Variants in KCNC3 observed in about 807,000 individuals in gnomAD.
KCNC3 encodes voltage-gated potassium channel KCNC3.
A neutral mutation model predicts 43.9 loss-of-function variants in KCNC3; 22 were observed. That is an observed-to-expected ratio of 0.50 (90% CI 0.36 to 0.72). KCNC3 has a LOEUF of 0.72. Among genes scored for constraint, KCNC3 ranks in the 30% least tolerant of loss-of-function variants. The pLI is 0.00. For synonymous variants in KCNC3, 492 were observed against 488.0 expected, an observed-to-expected ratio of 1.01 and a Z score of -0.11; for missense variants, 829 against 1,073.8, an observed-to-expected ratio of 0.77 and a Z score of 3.19.
rs1013462603 is a variant in KCNC3, at chr19:50,324,786, C to A, written c.871-704G>T. 6.6e-6 allele frequency among the ~76,000 whole-genome samples: 1 copy of A among 151,962 alleles called. No individual in the cohort carries two copies. The highest frequency in any genetic ancestry group is 2.1e-4 in the South Asian group (1 of 4,814). ...CTGAGCTGTTGTTAGGGTATGCAGG[C>A]AGCAGTTAGTTGGGGGGCAAGGTCA... On this transcript the variant is annotated intron_variant, in intron 1 of 4. Transcript: ENST00000477616. The surrounding 1 kb of genome is among the most constrained non-coding windows in gnomAD (Gnocchi z 4.1).
Position 50,320,620 on chromosome 19 carries a change from G to A in KCNC3, c.2143C>T (p.Pro715Ser), listed in dbSNP as rs764863485. ...TTTCGGATGGAGCCATCAGGGGAAG[G>A]GGCATAGTCGGTGAGGAGGAAGCAG... ...RACFLLTDYA[P>S]SPDGSIRKAT... Residue 715 changes from proline (P) to serine (S), a missense_variant, in exon 3 of 5, where the codon CCT (proline) becomes TCT (serine). This residue lies in a region of KCNC3 where 308 missense variants were observed against 276.2 expected (regional missense o/e 1.11). Coordinates refer to ENST00000477616, the MANE Select transcript of KCNC3 (RefSeq NM_004977.3). 8 of 1,612,552 alleles carry A rather than the reference G, an allele frequency of 5.0e-6. No individual in the cohort carries two copies. Among genetic ancestry groups the A allele is most frequent in the Non-Finnish European group, 8.5e-7 (1 of 1,179,826 alleles).
chr19:50,333,384 T>C (rs1302612144), upstream of KCNC3: 1 of 154,338 alleles, frequency 6.5e-6, no homozygotes, highest in Admixed American at 6.4e-5. Flanking sequence ...GGTCCTGGAA[T>C]GCCAAGGCAG....
rs769607601 is a variant in KCNC3, at chr19:50,323,452, T to C, written c.1501A>G (p.Met501Val). Reference protein sequence around the residue: ...PIGFWWAVVTMTTLGYGDMYP... With the variant: ...PIGFWWAVVTVTTLGYGDMYP... ...ATGTCTCCATAGCCCAGGGTCGTCA[T>C]GGTGACCACAGCCCACCAGAAGCCA... Residue 501 changes from methionine (M) to valine (V), a missense_variant, in exon 2 of 5, where the codon ATG becomes GTG. Met to Val is a conservative substitution (Grantham distance 21). This residue lies in a region of KCNC3 where 33 missense variants were observed against 96.0 expected (regional missense o/e 0.34). Coordinates refer to ENST00000477616, the MANE Select transcript of KCNC3 (RefSeq NM_004977.3). 1 of 1,614,104 alleles carries C rather than the reference T, an allele frequency of 6.2e-7. No homozygotes were observed. The highest frequency in any genetic ancestry group is 8.5e-7 in the Non-Finnish European group (1 of 1,179,992).
intron 4 of KCNC3, among the ~76,000 whole-genome samples, chr19:50,319,756 T>C (rs1032332170): frequency 6.6e-5 from 10 of 152,116 alleles, no homozygotes; most frequent in African/African-American, 2.4e-4. Context: ...TGGTTTTTGT[T>C]CACGGTTGAA....
Position 50,314,789 on chromosome 19 carries a change from A to C in KCNC3, c.*1326T>G, listed in dbSNP as rs61434305. The C allele has an allele frequency of 7.8e-6, 3 of 385,426 alleles. No individual in the cohort carries two copies. The highest frequency in any genetic ancestry group is 2.8e-5 in the Admixed American group (1 of 35,204). 23.9% of individuals were successfully genotyped at this position (385,426 alleles called of 1,614,324 possible). ...AAAAAAACCCTTTTCCCCACCCCCCACCCCCAGCTCCTTTGACCTTCTTCC... is the reference window on the plus strand; with the variant it reads ...AAAAAAACCCTTTTCCCCACCCCCCCCCCCCAGCTCCTTTGACCTTCTTCC... On this transcript the variant is annotated 3_prime_UTR_variant, in exon 5 of 5. Coordinates refer to ENST00000477616, the MANE Select transcript of KCNC3 (RefSeq NM_004977.3).
chr19:50,324,062 G>A lies in KCNC3; in HGVS notation c.891C>T (p.Leu297=), dbSNP rs2037072275. ...TGGTGATGGAGATGAGGATGAAGAA[G>A]AGGGAGGCGAAGGCCACATACTGCA... ...RAARYVAFAS[L]FFILISITTF... The change falls in exon 2 of 5, where the codon CTC becomes CTT. Residue 297 remains leucine (L), a synonymous_variant. Transcript: ENST00000477616. This position sits in a 1 kb window ranked among gnomAD's most constrained non-coding sequence, Gnocchi z 4.1. The A allele has an allele frequency of 1.3e-6, 2 of 1,599,848 alleles. No individual in the cohort carries two copies. Among genetic ancestry groups the A allele is most frequent in the East Asian group, 4.5e-5 (2 of 44,682 alleles).
In KCNC3 at chr19:50,328,403, T is replaced by C. The variant is rs1440589914; in HGVS notation, c.680A>G (p.Glu227Gly). Reference protein sequence around the residue: ...AGAHDGGLDDEAGAGGGGLDG... With the variant: ...AGAHDGGLDDGAGAGGGGLDG... ...CAGGCCGCCGCCGCCCGCGCCCGCC[T>C]CGTCGTCCAGGCCTCCGTCGTGGGC... is the stretch of plus-strand genomic sequence containing the variant. Residue 227 changes from glutamate to glycine, a missense_variant, in exon 1 of 5, where the codon GAG (glutamate) becomes GGG (glycine). This residue lies in a region of KCNC3 where 60 missense variants were observed against 56.0 expected (regional missense o/e 1.07). Transcript: ENST00000477616. 3 of 1,290,626 alleles carry C rather than the reference T, an allele frequency of 2.3e-6. No homozygotes were observed. In the African/African-American group the frequency reaches 4.8e-5, roughly 21 times the overall value. 79.9% of individuals were successfully genotyped at this position (1,290,626 alleles called of 1,614,324 possible).
upstream of KCNC3, among the ~76,000 whole-genome samples, chr19:50,331,213 T>C (rs2037184590): frequency 7.2e-6 from 1 of 139,380 alleles, no homozygotes; most frequent in South Asian, 2.2e-4. Flanking sequence ...CTTCTGAGTC[T>C]TTGCTCCTCT....
intron 4 of KCNC3, among the ~76,000 whole-genome samples, chr19:50,318,925 C>G (rs578038120): frequency 6.6e-4 from 85 of 129,130 alleles, no homozygotes; most frequent in Non-Finnish European, 2.0e-4. Context: ...ATCCAGGAGG[C>G]GGAGGTTGCA....
upstream of KCNC3, among the ~76,000 whole-genome samples, chr19:50,331,958 C>T (rs543550963): frequency 6.6e-6 from 1 of 152,264 alleles, no homozygotes; most frequent in African/African-American, 2.4e-5. Context: ...TGGGGCCTGT[C>T]CTGCAGCCCA....
In KCNC3 at chr19:50,320,253, G is replaced by C; in HGVS notation, c.2267C>G (p.Ser756Cys). The C allele has an allele frequency of 2.2e-6, 2 of 896,942 alleles. No individual in the cohort carries two copies. Among genetic ancestry groups the C allele is most frequent in the Non-Finnish European group, 3.0e-6 (2 of 666,620 alleles). The allele number at this position is 896,942 out of a possible 1,614,324, so 55.6% of individuals were successfully genotyped here. A position where few individuals can be genotyped will look rare whatever the true frequency, so the allele number is the denominator to read the frequency against. Reference protein sequence around the residue: ...DLNANAAAWISP With the variant: ...DLNANAAAWICP ...GGGGAGGGGGTTCGTCCACTAGGGG[G>C]ATATCCAGGCCGCGGCGTTGGCGTT... The change falls in exon 4 of 5, where the codon TCC becomes TGC. Residue 756 changes from serine (S) to cysteine (C), a missense_variant. Around this residue, in one of 7 missense-constraint regions of KCNC3, gnomAD observed 308 missense variants for 276.2 expected, o/e 1.11. Transcript: ENST00000477616.
Position 50,320,609 on chromosome 19 carries a change from A to C in KCNC3, c.2154T>G (p.Asp718Glu). The part of the protein sequence containing the change: ...FLLTDYAPSP[D>E]GSIRKATGAP... ...GCACCTCACCTTTTCGGATGGAGCC[A>C]TCAGGGGAAGGGGCATAGTCGGTGA... Residue 718 changes from aspartate (D) to glutamate (E), a missense_variant, in exon 3 of 5, where the codon GAT becomes GAG. Coordinates refer to ENST00000477616, the MANE Select transcript of KCNC3 (RefSeq NM_004977.3). 2.5e-6 allele frequency: 4 copies of C among 1,612,374 alleles called. No individual in the cohort carries two copies. The highest frequency in any genetic ancestry group is 3.4e-6 in the Non-Finnish European group (4 of 1,179,716).
chr19:50,322,580 C>T (rs983688875), intron 2 of KCNC3, among the ~76,000 whole-genome samples: 1 of 152,146 alleles, frequency 6.6e-6, no homozygotes, highest in Admixed American at 6.5e-5. Flanking sequence ...TCTCTCTTCC[C>T]TCAGGGCTGT....
At chr19:50,325,046 C>T (rs1165661960) in intron 1 of KCNC3, among the ~76,000 whole-genome samples, 1 of 151,968 alleles carries the variant, frequency 6.6e-6, no homozygotes, top group Non-Finnish European at 1.5e-5. Context: ...GCCAAAGGGG[C>T]AGAGAATGAG....
chr19:50,316,798 A>G (rs2036960423), intron 4 of KCNC3, among the ~76,000 whole-genome samples: 2 of 145,216 alleles, frequency 1.4e-5, no homozygotes, highest in African/African-American at 2.6e-5. Context: ...TGGGGGAAGG[A>G]GCATGGGGGG....
intron 1 of KCNC3, 131 bp downstream of exon 1, chr19:50,328,082 G>A: frequency 1.9e-6 from 1 of 531,496 alleles, no homozygotes; most frequent in East Asian, 7.2e-5. Context: ...ACTCAGGATT[G>A]GGGAAGAGGC....
chr19:50,322,218 C>T (rs2037043028), intron 2 of KCNC3, among the ~76,000 whole-genome samples: 1 of 152,148 alleles, frequency 6.6e-6, no homozygotes, highest in Non-Finnish European at 1.5e-5. Context: ...GCATAGACAC[C>T]CCCTGGGGGA....
rs1477712643 is a variant in KCNC3, at chr19:50,328,390, G to C, written c.693C>G (p.Gly231=). 2 of 1,244,946 alleles carry C rather than the reference G, an allele frequency of 1.6e-6. No homozygotes were observed. 77.1% of individuals were successfully genotyped at this position (1,244,946 alleles called of 1,614,324 possible). A position where few individuals can be genotyped will look rare whatever the true frequency, so the allele number is the denominator to read the frequency against. The change falls in exon 1 of 5, where the codon GGC becomes GGG. Residue 231 remains glycine, a synonymous_variant. Transcript: ENST00000477616. The part of the protein sequence containing the change: ...DGGLDDEAGA[G]GGGLDGAGGE... ...CGCCCGCTCCGTCCAGGCCGCCGCCGCCCGCGCCCGCCTCGTCGTCCAGGC... is the reference window on the plus strand; with the variant it reads ...CGCCCGCTCCGTCCAGGCCGCCGCCCCCCGCGCCCGCCTCGTCGTCCAGGC...
rs1412795330 is a variant in KCNC3, at chr19:50,323,624, GGCGCGGAGCGT to G, written c.1318_1328del (p.Thr440GlnfsTer27). The G allele has an allele frequency of 6.2e-7, 1 of 1,614,112 alleles. No individual in the cohort carries two copies. Among genetic ancestry groups the G allele is most frequent in the African/African-American group, 1.3e-5 (1 of 74,956 alleles). On this transcript the variant is annotated frameshift_variant, in exon 2 of 5. Coordinates refer to ENST00000477616, the MANE Select transcript of KCNC3 (RefSeq NM_004977.3). LOFTEE classifies it high-confidence loss of function. ...TGAGCAGCAGGAACTCGTTGGTGCTGGCGCGGAGCGTGTGTCCCAGCACGCGCAGCCCCACG... is the reference window on the plus strand; with the variant it reads ...TGAGCAGCAGGAACTCGTTGGTGCTGGTGTCCCAGCACGCGCAGCCCCACG...
Sources: gnomAD v4.1 joint callset for allele counts (sites outside exome capture counted in the v4.1 genomes callset) on GRCh38, gnomAD v4.1.1 for gene constraint, gnomAD v4.1.1 regional missense constraint, Gnocchi (gnomAD v3.1) non-coding constraint, MANE v1.5 for transcripts, NCBI Gene and HGNC (gene_info 2026-07-23, HGNC 2026-07-21) for gene names.